Variants in GALNTL6 observed in about 807,000 individuals in gnomAD.
The protein encoded by GALNTL6 is polypeptide N-acetylgalactosaminyltransferase-like 6.
GALNTL6 carries 46 observed loss-of-function variants against 73.7 expected under a neutral mutation model. The observed-to-expected ratio is 0.62, with a 90% CI of 0.49 to 0.80. The LOEUF is 0.80. Ranked by LOEUF, GALNTL6 falls within the 30% of genes least tolerant of loss-of-function variation. The probability of loss-of-function intolerance (pLI) is 0.00; values close to 1 mark genes in which losing one functional copy is unlikely to be tolerated. For synonymous variants in GALNTL6, 259 were observed against 263.7 expected, an observed-to-expected ratio of 0.98 and a Z score of 0.17; for missense variants, 604 against 755.0, an observed-to-expected ratio of 0.80 and a Z score of 2.34.
chr4:172,842,646 C>T (rs1197396540), intron 7 of GALNTL6, among the ~76,000 whole-genome samples: 1 of 151,704 alleles, frequency 6.6e-6, no homozygotes, highest in Non-Finnish European at 1.5e-5. Flanking sequence ...GCCTTTGGCC[C>T]ATGAGTAATT....
At chr4:172,474,105 G>A (rs1341592324) in intron 5 of GALNTL6, among the ~76,000 whole-genome samples, 1 of 152,046 alleles carries the variant, frequency 6.6e-6, no homozygotes, top group African/African-American at 2.4e-5. Flanking sequence ...CCTTGGATGA[G>A]TCCTTCATAC....
intron 7 of GALNTL6, among the ~76,000 whole-genome samples, chr4:172,873,203 T>G (rs192344336): frequency 1.3e-5 from 2 of 152,342 alleles, no homozygotes; most frequent in East Asian, 3.9e-4. Flanking sequence ...GAAAGACTCT[T>G]CCACCAGTGT....
chr4:172,431,225 A>G (rs1731436440), intron 5 of GALNTL6, among the ~76,000 whole-genome samples: 1 of 152,176 alleles, frequency 6.6e-6, no homozygotes, highest in Non-Finnish European at 1.5e-5. Context: ...CCATATTCTA[A>G]TTATACCAAT....
At chr4:172,229,323 G>A (rs1018721711) in intron 2 of GALNTL6, among the ~76,000 whole-genome samples, 1 of 152,024 alleles carries the variant, frequency 6.6e-6, no homozygotes, top group Admixed American at 6.5e-5. Flanking sequence ...CACCAAAATT[G>A]GTAGCATTAC....
chr4:172,039,361 T>C (rs1006155824), intron 2 of GALNTL6, among the ~76,000 whole-genome samples: 1 of 152,220 alleles, frequency 6.6e-6, no homozygotes, highest in Non-Finnish European at 1.5e-5. Context: ...TGAGAAGCTT[T>C]TTAAAGAGGA....
chr4:171,992,609 T>A (rs906523010), intron 2 of GALNTL6, among the ~76,000 whole-genome samples: 8 of 152,210 alleles, frequency 5.3e-5, no homozygotes, highest in African/African-American at 1.9e-4. Flanking sequence ...CAGATTTATT[T>A]CTTGAAAGCT....
chr4:172,499,318 A>T (rs1488092508), intron 5 of GALNTL6, among the ~76,000 whole-genome samples: 1 of 152,086 alleles, frequency 6.6e-6, no homozygotes, highest in African/African-American at 2.4e-5. Context: ...AAGAGAGATG[A>T]TCTCTCTCCA....
At chr4:172,396,240 T>C (rs1743845009) in intron 5 of GALNTL6, among the ~76,000 whole-genome samples, 1 of 152,152 alleles carries the variant, frequency 6.6e-6, no homozygotes, top group Non-Finnish European at 1.5e-5. Context: ...TGAGTGTTAC[T>C]CTTCATGTTG....
intron 5 of GALNTL6, among the ~76,000 whole-genome samples, chr4:172,415,037 C>T (rs73871719): frequency 0.029 from 4,373 of 152,156 alleles, 211 homozygotes; most frequent in African/African-American, 0.099. Context: ...TCTTGTAATA[C>T]TGTGTCAAAT....
At chr4:171,897,066 T>C (rs2110936250) in intron 2 of GALNTL6, among the ~76,000 whole-genome samples, 1 of 152,092 alleles carries the variant, frequency 6.6e-6, no homozygotes, top group Admixed American at 6.5e-5. Flanking sequence ...TGTACAGACC[T>C]CATTTTTATC....
At chr4:172,375,651 G>A (rs948732808) in intron 5 of GALNTL6, among the ~76,000 whole-genome samples, 10 of 152,126 alleles carry the variant, frequency 6.6e-5, no homozygotes, top group South Asian at 2.1e-4. Context: ...ACTCACTGAC[G>A]CAGCAGCAGA....
intron 5 of GALNTL6, among the ~76,000 whole-genome samples, chr4:172,570,322 A>G (rs921543149): frequency 3.3e-5 from 5 of 152,162 alleles, no homozygotes. Context: ...CAGGAAAAGG[A>G]TAACCAGTGG....
At chr4:171,868,044 T>G (rs1244241422) in intron 2 of GALNTL6, among the ~76,000 whole-genome samples, 1 of 150,796 alleles carries the variant, frequency 6.6e-6, no homozygotes, top group Non-Finnish European at 1.5e-5. Context: ...TGGAGTGCAG[T>G]GGCATGATCA....
intron 7 of GALNTL6, among the ~76,000 whole-genome samples, chr4:172,867,823 G>A (rs1336525384): frequency 6.6e-6 from 1 of 152,176 alleles, no homozygotes; most frequent in African/African-American, 2.4e-5. Flanking sequence ...GACCACACAG[G>A]GAGGAAAGCA....
intron 2 of GALNTL6, among the ~76,000 whole-genome samples, chr4:172,195,678 C>A (rs1735740350): frequency 6.6e-6 from 1 of 152,142 alleles, no homozygotes; most frequent in Non-Finnish European, 1.5e-5. Context: ...CAACCTGCTC[C>A]TGAATGACTC....
intron 4 of GALNTL6, among the ~76,000 whole-genome samples, chr4:172,317,001 A>G (rs922139876): frequency 6.6e-6 from 1 of 152,194 alleles, no homozygotes; most frequent in Admixed American, 6.5e-5. Flanking sequence ...TCCGGGAAAG[A>G]AACTCTGAAA....
intron 2 of GALNTL6, among the ~76,000 whole-genome samples, chr4:172,067,882 T>A (rs1579105627): frequency 9.1e-6 from 1 of 109,686 alleles, no homozygotes; most frequent in East Asian, 2.1e-4. Context: ...AGAAGTGGAG[T>A]AAAGGCAGCA....
chr4:171,945,820 T>G lies in GALNTL6; in HGVS notation c.138+131102T>G, dbSNP rs150346912. ...ATCAGGCTCAAAATTTGCTTGCAAATTTAAAGACATTATTCTGTTTTGGGA... is the reference window on the plus strand; with the variant it reads ...ATCAGGCTCAAAATTTGCTTGCAAAGTTAAAGACATTATTCTGTTTTGGGA... On this transcript the variant is annotated intron_variant, in intron 2 of 12. Coordinates refer to ENST00000506823, the MANE Select transcript of GALNTL6 (RefSeq NM_001034845.3). 1.7e-3 allele frequency among the ~76,000 whole-genome samples: 259 copies of G among 152,254 alleles called. 2 individuals carry two copies. The highest frequency in any genetic ancestry group is 0.012 in the Admixed American group (177 of 15,272).
rs529145862 is a variant in GALNTL6, at chr4:172,537,309, C to T, written c.553+188620C>T. On this transcript the variant is annotated intron_variant, in intron 5 of 12. Coordinates refer to ENST00000506823, the MANE Select transcript of GALNTL6 (RefSeq NM_001034845.3). Reference sequence around the variant, plus strand: ...TGAACTGTAGTTCTCATAATTCCCACATGTTGTGGGAGGGAACTGGTGGGA... The same window carrying T: ...TGAACTGTAGTTCTCATAATTCCCATATGTTGTGGGAGGGAACTGGTGGGA... Among the ~76,000 whole-genome samples the T allele has an allele frequency of 2.6e-3, 402 of 152,300 alleles. 2 individuals carry two copies. Among genetic ancestry groups the T allele is most frequent in the Non-Finnish European group, 4.4e-3 (299 of 68,028 alleles).
Sources: allele counts gnomAD v4.1 joint callset (sites outside exome capture counted in the v4.1 genomes callset), GRCh38; gene constraint gnomAD v4.1.1; transcripts MANE v1.5; gene names NCBI Gene and HGNC (gene_info 2026-07-23, HGNC 2026-07-21).